Variants in PTPRJ observed in about 807,000 individuals in gnomAD.
The protein encoded by PTPRJ is receptor-type tyrosine-protein phosphatase eta.
Under a neutral mutation model 141.3 loss-of-function variants are expected in PTPRJ, and 129 were observed. The ratio of observed to expected loss-of-function variants is 0.91; its 90% confidence interval spans 0.79 to 1.06. The LOEUF is 1.06. Among genes scored for constraint, PTPRJ ranks in the 50% least tolerant of loss-of-function variants. The pLI is 0.00. For synonymous variants in PTPRJ, 610 were observed against 640.5 expected (o/e 0.95, Z 0.72); for missense variants, 1,601 against 1,679.7 (o/e 0.95, Z 0.82).
At chr11:48,033,702 C>G (rs1273390590) in intron 1 of PTPRJ, among the ~76,000 whole-genome samples, 1 of 152,144 alleles carries the variant, frequency 6.6e-6, no homozygotes, top group African/African-American at 2.4e-5. Context: ...TGAGCCTGTA[C>G]TTGAGATCTG....
intron 1 of PTPRJ, 71 bp from the exon 2 acceptor site, chr11:48,109,987 G>A: frequency 1.3e-6 from 2 of 1,558,356 alleles, no homozygotes; most frequent in Non-Finnish European, 1.8e-6. Context: ...ATCCTCAACT[G>A]CTTTATTTCT....
At chr11:48,013,103 CAAA>C (rs5791798) in intron 1 of PTPRJ, among the ~76,000 whole-genome samples, 55 of 90,044 alleles carry the variant, frequency 6.1e-4, no homozygotes, top group Admixed American at 9.2e-4. Flanking sequence ...GACTCTGTGT[CAAA>C]AAAAAAAAAA....
chr11:48,058,448 A>T (rs1282320678), intron 1 of PTPRJ, among the ~76,000 whole-genome samples: 10 of 152,092 alleles, frequency 6.6e-5, no homozygotes, highest in Admixed American at 6.6e-4. Flanking sequence ...CCTGGCCTCA[A>T]GCGATCCTCC....
chr11:48,055,840 A>G (rs562405076), intron 1 of PTPRJ, among the ~76,000 whole-genome samples: 5 of 152,352 alleles, frequency 3.3e-5, no homozygotes, highest in African/African-American at 1.2e-4. Context: ...TGCTGGGAGC[A>G]ATAAGCAGTG....
At chr11:48,132,539 C>G in intron 8 of PTPRJ, 1 of 980,930 alleles carries the variant, frequency 1.0e-6, no homozygotes, top group Non-Finnish European at 1.2e-6. Flanking sequence ...ATCTAAGATT[C>G]AAGATAGTTG....
chr11:47,997,332 G>T (rs1854364592), intron 1 of PTPRJ, among the ~76,000 whole-genome samples: 1 of 152,242 alleles, frequency 6.6e-6, no homozygotes, highest in African/African-American at 2.4e-5. Context: ...GGTGGGACTG[G>T]CTGTCCTCTC....
chr11:48,013,845 C>T (rs1854878435), intron 1 of PTPRJ, among the ~76,000 whole-genome samples: 1 of 152,150 alleles, frequency 6.6e-6, no homozygotes, highest in South Asian at 2.1e-4. Flanking sequence ...TGCTGCCCTC[C>T]CAGTGGTGAT....
intron 1 of PTPRJ, among the ~76,000 whole-genome samples, chr11:48,066,241 C>T (rs1485231589): frequency 6.6e-6 from 1 of 152,192 alleles, no homozygotes; most frequent in African/African-American, 2.4e-5. Context: ...AGAATCCCCA[C>T]TCCTCCTCCA....
At chr11:48,100,559 A>G (rs1343891940) in intron 1 of PTPRJ, among the ~76,000 whole-genome samples, 1 of 152,212 alleles carries the variant, frequency 6.6e-6, no homozygotes, top group African/African-American at 2.4e-5. Context: ...AGGAAGTTTC[A>G]CAGAGATATC....
chr11:48,153,221 A>G (rs918331214), intron 18 of PTPRJ, among the ~76,000 whole-genome samples: 3 of 152,040 alleles, frequency 2.0e-5, no homozygotes, highest in African/African-American at 7.2e-5. Flanking sequence ...CAGGAAAGAA[A>G]TGTAACAATG....
At position 48,157,563 on chromosome 11, in the gene PTPRJ, T is replaced by G. The variant is rs10742837; in HGVS notation, c.3438+1444T>G. 1.9e-4 allele frequency among the ~76,000 whole-genome samples: 29 copies of G among 152,354 alleles called. No homozygotes were observed. In the South Asian group the frequency reaches 5.6e-3, roughly 29 times the overall value. Reference sequence around the variant, plus strand: ...GCGTTTCTGCCAGTTTCTGGGTGATTCTACTGCTGTGGCACCAGGGTGCAC... The same window carrying G: ...GCGTTTCTGCCAGTTTCTGGGTGATGCTACTGCTGTGGCACCAGGGTGCAC... On this transcript the variant is annotated intron_variant, in intron 21 of 24. Transcript: ENST00000418331.
chr11:48,114,165 A>G (rs964001450), intron 3 of PTPRJ, among the ~76,000 whole-genome samples: 1 of 152,194 alleles, frequency 6.6e-6, no homozygotes, highest in Non-Finnish European at 1.5e-5. Flanking sequence ...GGGGCTGGGC[A>G]CAGTGGCTCA....
At position 48,153,885 on chromosome 11, in the gene PTPRJ, C is replaced by G; in HGVS notation, c.3228C>G (p.Pro1076=). The part of the protein sequence containing the change: ...RGKNRYNNVL[P]YDISRVKLSV... The stretch of plus-strand genomic sequence containing the variant: ...AGAATCGCTATAATAATGTTCTGCC[C>G]TGTAAGTTATTTTATCTACAGCATC... The change falls in exon 19 of 25, where the codon CCC becomes CCG. Residue 1076 remains proline (P), a splice_region_variant and synonymous_variant. Transcript: ENST00000418331. The G allele has an allele frequency of 1.2e-6, 2 of 1,604,788 alleles. No individual in the cohort carries two copies. The highest frequency in any genetic ancestry group is 2.2e-5 in the East Asian group (1 of 44,788).
intron 13 of PTPRJ, 25 bp from the exon 14 acceptor site, chr11:48,144,975 C>G: frequency 6.2e-7 from 1 of 1,614,160 alleles, no homozygotes. Context: ...TCAGGGACCT[C>G]TTTTTGCTCT....
In PTPRJ at chr11:48,158,166, C is replaced by CA. The variant is rs1323654640; in HGVS notation, c.3439-1757dup. ...GACTCTGTCTCAAAACAAAACAAAA[C>CA]AAAAAAAGAAGAATGCAAATAAGCT... On this transcript the variant is annotated intron_variant, in intron 21 of 24. Transcript: ENST00000418331. The surrounding 1 kb of genome is among the most constrained non-coding windows in gnomAD (Gnocchi z 4.4). 1.3e-4 allele frequency among the ~76,000 whole-genome samples: 19 copies of CA among 151,892 alleles called. No individual in the cohort carries two copies. The highest frequency in any genetic ancestry group is 5.9e-4 in the Admixed American group (9 of 15,248).
chr11:48,061,532 T>C (rs1216682211), intron 1 of PTPRJ, among the ~76,000 whole-genome samples: 1 of 152,198 alleles, frequency 6.6e-6, no homozygotes, highest in Non-Finnish European at 1.5e-5. Context: ...AGGGAGATAC[T>C]ATCATGATCT....
intron 7 of PTPRJ, 89 bp from the exon 8 acceptor site, chr11:48,130,370 A>T: frequency 7.6e-7 from 1 of 1,324,310 alleles, no homozygotes; most frequent in Non-Finnish European, 1.0e-6. Flanking sequence ...TCCTAAGTGT[A>T]CATTTCATCT....
chr11:48,053,314 A>T (rs1421758048), intron 1 of PTPRJ, among the ~76,000 whole-genome samples: 5 of 92,406 alleles, frequency 5.4e-5, no homozygotes, highest in Non-Finnish European at 7.8e-5. Context: ...ATAAATATAT[A>T]ATATATATTA....
chr11:48,038,814 C>T (rs1276712771), intron 1 of PTPRJ, among the ~76,000 whole-genome samples: 1 of 148,256 alleles, frequency 6.7e-6, no homozygotes, highest in African/African-American at 2.5e-5. Context: ...TATCCCTTTA[C>T]TTTCCTAATA....
Sources: gnomAD v4.1 joint callset for allele counts (sites outside exome capture counted in the v4.1 genomes callset) on GRCh38, gnomAD v4.1.1 for gene constraint, Gnocchi (gnomAD v3.1) non-coding constraint, MANE v1.5 for transcripts, NCBI Gene and HGNC (gene_info 2026-07-23, HGNC 2026-07-21) for gene names.